The following HHAT variants were observed in gnomAD, a reference collection of about 807,000 sequenced individuals.
HHAT encodes the protein protein-cysteine N-palmitoyltransferase HHAT.
HHAT carries 47 observed loss-of-function variants against 70.8 expected under a neutral mutation model. The ratio of observed to expected loss-of-function variants is 0.66; its 90% CI spans 0.53 to 0.85. The LOEUF (loss-of-function observed/expected upper bound fraction) is 0.85, where lower values mean the gene tolerates loss of function less well. Ranked by LOEUF, HHAT falls within the 40% of genes least tolerant of loss-of-function variation. The pLI, the probability that HHAT is intolerant of heterozygous loss-of-function variation, is 0.00. For synonymous variants in HHAT, 228 were observed against 247.6 expected, an observed-to-expected ratio of 0.92 and a Z score of 0.74; for missense variants, 609 against 604.8, an observed-to-expected ratio of 1.01 and a Z score of -0.07.
intron 8 of HHAT, among the ~76,000 whole-genome samples, chr1:210,509,862 A>G (rs2094925389): frequency 6.6e-6 from 1 of 152,180 alleles, no homozygotes; most frequent in Admixed American, 6.5e-5. Context: ...AGGCTCTTAT[A>G]TTTACAGGTG....
At chr1:210,583,536 G>A (rs1659725243) in intron 9 of HHAT, among the ~76,000 whole-genome samples, 1 of 152,196 alleles carries the variant, frequency 6.6e-6, no homozygotes, top group Non-Finnish European at 1.5e-5. Flanking sequence ...ACTGACAGAA[G>A]ATGGTAGAAT....
chr1:210,666,495 ATATT>A (rs1451257554), intron 11 of HHAT, among the ~76,000 whole-genome samples: 1 of 151,936 alleles, frequency 6.6e-6, no homozygotes, highest in Admixed American at 6.6e-5. Flanking sequence ...TTTTTATTAC[ATATT>A]TTTTTTAGAG....
At chr1:210,422,643 T>C (rs2092938981) in intron 7 of HHAT, among the ~76,000 whole-genome samples, 1 of 152,200 alleles carries the variant, frequency 6.6e-6, no homozygotes, top group African/African-American at 2.4e-5. Flanking sequence ...TTTTCTTTTT[T>C]TTCTTTTTTT....
chr1:210,565,577 A>G (rs771804094), intron 9 of HHAT, among the ~76,000 whole-genome samples: 3 of 152,204 alleles, frequency 2.0e-5, no homozygotes, highest in Non-Finnish European at 4.4e-5. Flanking sequence ...ACAAGGAAGT[A>G]TCTAAAAAAA....
intron 10 of HHAT, among the ~76,000 whole-genome samples, chr1:210,612,878 C>G (rs1271984343): frequency 6.6e-6 from 1 of 152,038 alleles, no homozygotes; most frequent in Non-Finnish European, 1.5e-5. Context: ...TTTGCATTTC[C>G]TTTATGACTT....
intron 3 of HHAT, among the ~76,000 whole-genome samples, chr1:210,381,530 C>G (rs1174601978): frequency 6.6e-6 from 1 of 152,180 alleles, no homozygotes; most frequent in Non-Finnish European, 1.5e-5. Context: ...ATCCACCCAC[C>G]TTAGCTTTCC....
intron 3 of HHAT, among the ~76,000 whole-genome samples, chr1:210,364,786 A>G (rs553407107): frequency 1.3e-5 from 2 of 152,330 alleles, no homozygotes; most frequent in South Asian, 4.1e-4. Context: ...TCTCCACAAC[A>G]GCTCTCATAA....
rs528367434 is a variant in HHAT at position 210,541,029 on chromosome 1, C to T, written c.1043+27841C>T. The stretch of plus-strand genomic sequence containing the variant: ...CTAATTTTTTGTATTTTAGTAGAGA[C>T]GAGGTTTCACCCTGTTGCCCAGTCT... On this transcript the variant is annotated intron_variant, in intron 9 of 11. Transcript: ENST00000261458. 9.9e-4 allele frequency among the ~76,000 whole-genome samples: 150 copies of T among 152,192 alleles called. No individual in the cohort carries two copies. The East Asian group carries it at 0.01, about 10-fold the overall frequency.
chr1:210,674,180 T>C, intron 11 of HHAT, 108 bp from the exon 12 acceptor site: 1 of 857,570 alleles, frequency 1.2e-6, no homozygotes, highest in South Asian at 1.4e-5. Flanking sequence ...CCTGGAGGCC[T>C]TTGTTGTTTG....
At chr1:210,449,865 C>T (rs111277877) in intron 7 of HHAT, among the ~76,000 whole-genome samples, 52 of 152,236 alleles carry the variant, frequency 3.4e-4, no homozygotes, top group Middle Eastern at 3.4e-3. Context: ...AATTCGCTCT[C>T]TAAATGTTGG....
chr1:210,619,745 G>T (rs761065485), intron 10 of HHAT, among the ~76,000 whole-genome samples: 1 of 92,624 alleles, frequency 1.1e-5, no homozygotes, highest in Admixed American at 1.3e-4. Context: ...TCTCCTGGGG[G>T]ATAGTGCCAC....
intron 9 of HHAT, among the ~76,000 whole-genome samples, chr1:210,585,364 A>T (rs1198138148): frequency 6.6e-6 from 1 of 152,224 alleles, no homozygotes; most frequent in Non-Finnish European, 1.5e-5. Flanking sequence ...CAGTAAAAAA[A>T]AAATTATTTG....
At chr1:210,663,509 G>T (rs989733952) in intron 11 of HHAT, among the ~76,000 whole-genome samples, 3 of 152,166 alleles carry the variant, frequency 2.0e-5, no homozygotes, top group African/African-American at 7.2e-5. Context: ...CCGAGCCTTA[G>T]TTTCCGTATC....
At chr1:210,530,322 T>C (rs1026594327) in intron 9 of HHAT, among the ~76,000 whole-genome samples, 1 of 152,178 alleles carries the variant, frequency 6.6e-6, no homozygotes, top group African/African-American at 2.4e-5. Context: ...CATATCAGCC[T>C]TTACCTTAAA....
chr1:210,608,612 T>G (rs940090010), intron 10 of HHAT, among the ~76,000 whole-genome samples: 1 of 152,186 alleles, frequency 6.6e-6, no homozygotes, highest in African/African-American at 2.4e-5. Context: ...ATTATTGGAA[T>G]TTTTTAGATG....
At chr1:210,353,984 G>A (rs2087329996) in intron 2 of HHAT, among the ~76,000 whole-genome samples, 1 of 152,074 alleles carries the variant, frequency 6.6e-6, no homozygotes, top group African/African-American at 2.4e-5. Flanking sequence ...TAGAAGAGGA[G>A]TTATAGAGTA....
intron 2 of HHAT, among the ~76,000 whole-genome samples, chr1:210,361,891 C>T (rs371185518): frequency 6.6e-6 from 1 of 152,150 alleles, no homozygotes; most frequent in Non-Finnish European, 1.5e-5. Context: ...ACCTCAGCAT[C>T]GGCTCCCACA....
At chr1:210,483,966 C>G (rs755114908) in intron 8 of HHAT, among the ~76,000 whole-genome samples, 2 of 152,160 alleles carry the variant, frequency 1.3e-5, no homozygotes, top group Non-Finnish European at 2.9e-5. Context: ...AGAAGCAGAG[C>G]CCAGAGGCAA....
intron 1 of HHAT, among the ~76,000 whole-genome samples, chr1:210,346,222 T>A (rs566198766): frequency 6.6e-6 from 1 of 152,192 alleles, no homozygotes; most frequent in East Asian, 1.9e-4. Flanking sequence ...TTTCATTCAG[T>A]CTACAAGATC....
Sources: allele counts gnomAD v4.1 joint callset (sites outside exome capture counted in the v4.1 genomes callset), GRCh38; gene constraint gnomAD v4.1.1; transcripts MANE v1.5; gene names NCBI Gene and HGNC (gene_info 2026-07-23, HGNC 2026-07-21).